LINGO2: variants seen among roughly 807,000 people sequenced by gnomAD.
LINGO2 encodes leucine-rich repeat and immunoglobulin-like domain-containing nogo receptor-interacting protein 2.
In LINGO2, 14 loss-of-function variants were observed where a neutral mutation model predicts 30.6. The ratio of observed to expected loss-of-function variants is 0.46; its 90% CI spans 0.30 to 0.72. The LOEUF is 0.72. Among genes scored for constraint, LINGO2 ranks in the 30% least tolerant of loss-of-function variants. The pLI is 0.07. For missense variants in LINGO2, 729 were observed against 751.7 expected (o/e 0.97, Z 0.35); for synonymous variants, 317 against 288.5 (o/e 1.10, Z -1.00).
At chr9:28,376,648 G>A (rs894445618) in intron 2 of LINGO2, among the ~76,000 whole-genome samples, 2 of 152,186 alleles carry the variant, frequency 1.3e-5, no homozygotes, top group East Asian at 1.9e-4. Context: ...TACAAAGACC[G>A]GACTCCCTTT....
At chr9:28,000,280 A>C (rs772141474) in intron 5 of LINGO2, among the ~76,000 whole-genome samples, 1 of 152,200 alleles carries the variant, frequency 6.6e-6, no homozygotes, top group Non-Finnish European at 1.5e-5. Flanking sequence ...CCACTGAAAG[A>C]ACATTATAAA....
chr9:28,578,872 G>A (rs1824121909), intron 1 of LINGO2, among the ~76,000 whole-genome samples: 2 of 152,058 alleles, frequency 1.3e-5, no homozygotes, highest in Admixed American at 1.3e-4. Flanking sequence ...GCCTGTTCTT[G>A]AAAGTTAGTA....
At chr9:28,162,973 A>T (rs1828329443) in intron 4 of LINGO2, among the ~76,000 whole-genome samples, 1 of 152,180 alleles carries the variant, frequency 6.6e-6, no homozygotes, top group African/African-American at 2.4e-5. Flanking sequence ...GGTGAGAATG[A>T]ACTGGAGAGA....
chr9:28,475,557 A>C (rs1048919202), intron 2 of LINGO2, among the ~76,000 whole-genome samples: 1 of 152,216 alleles, frequency 6.6e-6, no homozygotes, highest in Non-Finnish European at 1.5e-5. Flanking sequence ...GAAAAGTATT[A>C]AGTATTAGTC....
the LINGO2 span, among the ~76,000 whole-genome samples, chr9:29,000,584 T>C: frequency 3.7e-4 from 56 of 152,094 alleles, no homozygotes; most frequent in South Asian, 2.7e-3. Context: ...TTAGTGTCTA[T>C]TCTTACATTC....
chr9:28,075,953 G>A (rs967329314), intron 4 of LINGO2, among the ~76,000 whole-genome samples: 9 of 151,926 alleles, frequency 5.9e-5, no homozygotes, highest in Middle Eastern at 3.4e-3. Context: ...CTGTGCATTA[G>A]TTTGAAGTAA....
chr9:27,993,413 C>T (rs549622224), intron 5 of LINGO2, among the ~76,000 whole-genome samples: 1 of 151,020 alleles, frequency 6.6e-6, no homozygotes, highest in South Asian at 2.1e-4. Context: ...TGTCTCATGC[C>T]TGTAATCCCA....
At chr9:28,644,377 C>T (rs1382790595) in intron 1 of LINGO2, among the ~76,000 whole-genome samples, 1 of 151,832 alleles carries the variant, frequency 6.6e-6, no homozygotes, top group Non-Finnish European at 1.5e-5. Flanking sequence ...GAATGAGATC[C>T]TGTCGTTTGC....
At chr9:28,059,358 C>A (rs370882604) in intron 4 of LINGO2, among the ~76,000 whole-genome samples, 3 of 152,028 alleles carry the variant, frequency 2.0e-5, no homozygotes, top group African/African-American at 7.3e-5. Context: ...GTGATGCCCC[C>A]CCACCCCACC....
the LINGO2 span, among the ~76,000 whole-genome samples, chr9:29,107,197 G>A: frequency 3.3e-5 from 5 of 151,936 alleles, no homozygotes; most frequent in African/African-American, 4.8e-5. Context: ...CTCTGGCAAG[G>A]AAAATTTATG....
chr9:29,009,615 T>G, the LINGO2 span, among the ~76,000 whole-genome samples: 1 of 152,092 alleles, frequency 6.6e-6, no homozygotes, highest in Non-Finnish European at 1.5e-5. Context: ...CCAAGGTAAT[T>G]TATAGATTCA....
chr9:28,892,481 C>A, the LINGO2 span, among the ~76,000 whole-genome samples: 21 of 151,926 alleles, frequency 1.4e-4, no homozygotes, highest in Non-Finnish European at 5.9e-5. Context: ...AGATTTCTGA[C>A]CAGCTATAGC....
the LINGO2 span, among the ~76,000 whole-genome samples, chr9:28,801,602 G>A: frequency 3.9e-5 from 6 of 152,012 alleles, no homozygotes; most frequent in African/African-American, 2.4e-5. Context: ...CCTTTTGTCC[G>A]CCTCACTGTG....
At chr9:28,867,709 C>CA in the LINGO2 span, among the ~76,000 whole-genome samples, 1 of 152,020 alleles carries the variant, frequency 6.6e-6, no homozygotes, top group Non-Finnish European at 1.5e-5. Flanking sequence ...TTGAGGCACA[C>CA]AAAAAAGTGT....
At chr9:28,946,945 C>A in the LINGO2 span, among the ~76,000 whole-genome samples, 2 of 151,954 alleles carry the variant, frequency 1.3e-5, no homozygotes, top group African/African-American at 4.8e-5. Context: ...GGTAGGCTAC[C>A]TAAAGCAACT....
At chr9:27,985,391 AT>A (rs1821077797) in intron 5 of LINGO2, among the ~76,000 whole-genome samples, 1 of 151,866 alleles carries the variant, frequency 6.6e-6, no homozygotes, top group African/African-American at 2.4e-5. Context: ...GATATCCCCG[AT>A]TTTCTCCTCT....
At chr9:28,533,094 A>G (rs1821298009) in intron 1 of LINGO2, among the ~76,000 whole-genome samples, 1 of 151,906 alleles carries the variant, frequency 6.6e-6, no homozygotes, top group Admixed American at 6.6e-5. Flanking sequence ...CCCACCCTCA[A>G]TCTAATCAGC....
chr9:28,880,033 A>G, the LINGO2 span, among the ~76,000 whole-genome samples: 10 of 152,302 alleles, frequency 6.6e-5, no homozygotes, highest in South Asian at 8.3e-4. Context: ...ATAAGATTCA[A>G]TGATTTTATT....
At chr9:28,983,079 G>T in the LINGO2 span, among the ~76,000 whole-genome samples, 4 of 151,852 alleles carry the variant, frequency 2.6e-5, no homozygotes, top group Non-Finnish European at 5.9e-5. Context: ...AAGCTGAAAT[G>T]CTGCCAATTT....
Sources: allele counts gnomAD v4.1 joint callset (sites outside exome capture counted in the v4.1 genomes callset), GRCh38; gene constraint gnomAD v4.1.1; transcripts MANE v1.5; gene names NCBI Gene and HGNC (gene_info 2026-07-23, HGNC 2026-07-21).